GOLGA4: variants seen among roughly 807,000 people sequenced by gnomAD.
The protein encoded by GOLGA4 is golgin A4, also known as golgin subfamily A member 4.
A neutral mutation model predicts 265.9 loss-of-function variants in GOLGA4; 169 were observed. The observed-to-expected ratio is 0.64, with a 90% CI of 0.56 to 0.72. The LOEUF is 0.72. Among genes scored for constraint, GOLGA4 ranks in the 30% least tolerant of loss-of-function variants. The pLI, the probability that GOLGA4 is intolerant of heterozygous loss-of-function variation, is 0.00. For missense variants in GOLGA4, 2,482 were observed against 2,483.4 expected (o/e 1.00, Z 0.01); for synonymous variants, 923 against 855.8 (o/e 1.08, Z -1.37).
At position 37,340,917 on chromosome 3, in the gene GOLGA4, C is replaced by T. The variant is rs568345381; in HGVS notation, c.6472+718C>T. Among the ~76,000 whole-genome samples the T allele has an allele frequency of 7.1e-4, 108 of 152,286 alleles. 1 individual carries two copies. Among genetic ancestry groups the T allele is most frequent in the East Asian group, 1.2e-3 (6 of 5,188 alleles). ...GCGTGGTGGCTCACGCCTGTAATCC[C>T]AGCACTTTGGGGGGCTGAGGCAGGT... On this transcript the variant is annotated intron_variant, in intron 20 of 23. Transcript: ENST00000361924.
Position 37,282,822 on chromosome 3 carries a change from G to A in GOLGA4, c.477+550G>A, listed in dbSNP as rs558975152. Among the ~76,000 whole-genome samples, 3 of 152,308 alleles carry A rather than the reference G, an allele frequency of 2.0e-5. No individual in the cohort carries two copies. In the South Asian group the frequency reaches 6.2e-4, roughly 32 times the overall value. On this transcript the variant is annotated intron_variant, in intron 3 of 23. Transcript: ENST00000361924. ...ATGACACTCCCTGTTTGGTCTAAGGGAGGAAGGAAGTCAATGCTAGTCCAT... is the reference window on the plus strand; with the variant it reads ...ATGACACTCCCTGTTTGGTCTAAGGAAGGAAGGAAGTCAATGCTAGTCCAT...
In GOLGA4 at chr3:37,258,071, A is replaced by ATATATACATACATATGTATGTATATATG. The variant is rs1560281072; in HGVS notation, c.162+6593_162+6594insCATACATATGTATGTATATATGTATATA. Among the ~76,000 whole-genome samples the ATATATACATACATATGTATGTATATATG allele has an allele frequency of 1.1e-3, 59 of 53,186 alleles. 9 individuals are homozygous for ATATATACATACATATGTATGTATATATG. Among genetic ancestry groups the ATATATACATACATATGTATGTATATATG allele is most frequent in the African/African-American group, 3.1e-3 (54 of 17,374 alleles). The allele number at this position is 53,186 out of a possible 152,430, so 34.9% of individuals were successfully genotyped here. On this transcript the variant is annotated intron_variant, in intron 2 of 23. Coordinates refer to ENST00000361924, the MANE Select transcript of GOLGA4 (RefSeq NM_002078.5). ...CATATATATATGTATGTATATATGT[A>ATATATACATACATATGTATGTATATATG]TATATATATGTGTGTATATATATAT...
At chr3:37,365,290 G>T (rs1578915724) in intron 23 of GOLGA4, among the ~76,000 whole-genome samples, 1 of 151,342 alleles carries the variant, frequency 6.6e-6, no homozygotes, top group Non-Finnish European at 1.5e-5. Flanking sequence ...TTTTTTTGAG[G>T]CAGTCTCTCA....
chr3:37,332,715 A>G (rs1245849525), intron 16 of GOLGA4, among the ~76,000 whole-genome samples: 1 of 152,034 alleles, frequency 6.6e-6, no homozygotes, highest in African/African-American at 2.4e-5. Flanking sequence ...GGCAACCATT[A>G]GTTTCTTATA....
chr3:37,266,568 T>G (rs565730048), intron 2 of GOLGA4, among the ~76,000 whole-genome samples: 1 of 152,316 alleles, frequency 6.6e-6, no homozygotes, highest in South Asian at 2.1e-4. Context: ...GTGGTTCCTA[T>G]TGCCTATATC....
At chr3:37,243,773 G>C in intron 1 of GOLGA4, 151 bp downstream of exon 1, 1 of 635,950 alleles carries the variant, frequency 1.6e-6, no homozygotes, top group Non-Finnish European at 2.8e-6. Flanking sequence ...AGGAGCTCCG[G>C]GCGGTGCAGG....
rs1273711624 is a variant in GOLGA4, at chr3:37,327,567, A to G, written c.5681A>G (p.Asn1894Ser). Residue 1894 changes from asparagine (N) to serine (S), a missense_variant, in exon 14 of 24, where the codon AAT becomes AGT. By Grantham distance (46) the Asn-to-Ser change is conservative. Coordinates refer to ENST00000361924, the MANE Select transcript of GOLGA4 (RefSeq NM_002078.5). ...GCTTTACAACAGATGGATGGAAGAA[A>G]TAAACCCACAGAACTTTTGGAAGAA... ...LQALQQMDGR[N>S]KPTELLEENT... 4 of 1,613,902 alleles carry G rather than the reference A, an allele frequency of 2.5e-6. No homozygotes were observed. Among genetic ancestry groups the G allele is most frequent in the Admixed American group, 1.7e-5 (1 of 59,992 alleles).
At chr3:37,303,978 T>G (rs533093642) in intron 10 of GOLGA4, among the ~76,000 whole-genome samples, 3 of 152,300 alleles carry the variant, frequency 2.0e-5, no homozygotes, top group Admixed American at 2.0e-4. Flanking sequence ...TACCTACATT[T>G]ATGCACAGAG....
Position 37,321,885 on chromosome 3 carries a change from C to A in GOLGA4, c.1700C>A (p.Thr567Asn). The change falls in exon 13 of 24, where the codon ACT becomes AAT. Residue 567 changes from threonine to asparagine, a missense_variant and splice_region_variant. Physicochemically the swap from Thr to Asn is moderately conservative, Grantham distance 65. Transcript: ENST00000361924. ...CAGCAAGAAGCAGAGACTTACAGAA[C>A]TGTAAGTTTTAATAATATTCAGATT... Reference protein sequence around the residue: ...DLQQEAETYRTRILELESSLE... With the variant: ...DLQQEAETYRNRILELESSLE... 4 of 1,590,554 alleles carry A rather than the reference C, an allele frequency of 2.5e-6. No individual in the cohort carries two copies. The highest frequency in any genetic ancestry group is 3.4e-6 in the Non-Finnish European group (4 of 1,172,660).
At chr3:37,348,984 G>A (rs886444170) in intron 21 of GOLGA4, among the ~76,000 whole-genome samples, 3 of 152,112 alleles carry the variant, frequency 2.0e-5, no homozygotes, top group Non-Finnish European at 2.9e-5. Context: ...ATGTCCCATG[G>A]CACAAGCAGC....
At chr3:37,285,584 A>G (rs2096846274) in intron 3 of GOLGA4, among the ~76,000 whole-genome samples, 1 of 152,236 alleles carries the variant, frequency 6.6e-6, no homozygotes, top group Non-Finnish European at 1.5e-5. Context: ...TCATTAAAAC[A>G]TAGTTTCCTG....
chr3:37,310,568 GT>G (rs1455406560), intron 10 of GOLGA4, among the ~76,000 whole-genome samples: 1 of 152,144 alleles, frequency 6.6e-6, no homozygotes. Flanking sequence ...GAGAGCATTT[GT>G]CCATTTTTAT....
At chr3:37,355,248 C>T (rs950475381) in intron 22 of GOLGA4, 61 bp downstream of exon 22, 5 of 869,330 alleles carry the variant, frequency 5.8e-6, no homozygotes, top group South Asian at 5.5e-5. Flanking sequence ...TATTCTGTCT[C>T]ATTTATAAGG....
chr3:37,250,850 T>G (rs2096731791), intron 1 of GOLGA4, among the ~76,000 whole-genome samples: 1 of 152,152 alleles, frequency 6.6e-6, no homozygotes, highest in Non-Finnish European at 1.5e-5. Context: ...TCTCAGTATT[T>G]AGCAGTGGTA....
Position 37,366,147 on chromosome 3 carries a change from A to G in GOLGA4, c.*101A>G, listed in dbSNP as rs565312686. The G allele has an allele frequency of 3.8e-5, 55 of 1,460,512 alleles. No individual in the cohort carries two copies. The African/African-American group carries it at 7.2e-4, about 19-fold the overall frequency. 90.5% of individuals were successfully genotyped at this position (1,460,512 alleles called of 1,614,324 possible). The stretch of plus-strand genomic sequence containing the variant: ...GACTGCTGCTTGGAAAACTGTCCAC[A>G]CTTGCTACTCTTTGAGAATGAAGTT... On this transcript the variant is annotated 3_prime_UTR_variant, in exon 24 of 24. Coordinates refer to ENST00000361924, the MANE Select transcript of GOLGA4 (RefSeq NM_002078.5).
At chr3:37,261,642 G>T (rs773845006) in intron 2 of GOLGA4, among the ~76,000 whole-genome samples, 1 of 152,130 alleles carries the variant, frequency 6.6e-6, no homozygotes, top group Non-Finnish European at 1.5e-5. Context: ...GGTTGAGAAG[G>T]ACTGGAAATG....
At chr3:37,265,428 T>G (rs1401174771) in intron 2 of GOLGA4, among the ~76,000 whole-genome samples, 1 of 152,194 alleles carries the variant, frequency 6.6e-6, no homozygotes, top group Non-Finnish European at 1.5e-5. Context: ...TGATTAAAGT[T>G]TTTTATGTTT....
chr3:37,305,164 C>A (rs2096902833), intron 10 of GOLGA4, among the ~76,000 whole-genome samples: 1 of 152,114 alleles, frequency 6.6e-6, no homozygotes, highest in Non-Finnish European at 1.5e-5. Flanking sequence ...GGTAATCCAC[C>A]CTCCTTGGCC....
chr3:37,325,726 G>A lies in GOLGA4; in HGVS notation c.3840G>A (p.Gln1280=). The A allele has an allele frequency of 6.2e-7, 1 of 1,613,694 alleles. No individual in the cohort carries two copies. Among genetic ancestry groups the A allele is most frequent in the Non-Finnish European group, 8.5e-7 (1 of 1,179,624 alleles). ...TVSELEAQLR[Q]LTEEQNTLNI... ...CTGAATTAGAAGCACAACTTAGACAGTTGACAGAGGAGCAAAATACACTAA... is the reference window on the plus strand; with the variant it reads ...CTGAATTAGAAGCACAACTTAGACAATTGACAGAGGAGCAAAATACACTAA... The change falls in exon 14 of 24, where the codon CAG becomes CAA. Residue 1280 remains glutamine, a synonymous_variant. Transcript: ENST00000361924.
Sources: allele counts gnomAD v4.1 joint callset (sites outside exome capture counted in the v4.1 genomes callset), GRCh38; gene constraint gnomAD v4.1.1; transcripts MANE v1.5; gene names NCBI Gene and HGNC (gene_info 2026-07-23, HGNC 2026-07-21).